The following VPS37A variants were observed in gnomAD, a reference collection of about 807,000 sequenced individuals.
The protein encoded by VPS37A is vacuolar protein sorting-associated protein 37A.
VPS37A carries 30 observed loss-of-function variants against 49.8 expected under a neutral mutation model. The ratio of observed to expected loss-of-function variants is 0.60; its 90% confidence interval spans 0.45 to 0.82. The LOEUF is 0.82. Among genes scored for constraint, VPS37A ranks in the 40% least tolerant of loss-of-function variants. VPS37A has a pLI of 0.00. For missense variants in VPS37A, 593 were observed against 464.4 expected (o/e 1.28, Z -2.55); for synonymous variants, 195 against 160.6 (o/e 1.21, Z -1.62).
In VPS37A at chr8:17,252,750, C is replaced by T. The variant is rs190657359; in HGVS notation, c.125+5381C>T. 1.7e-3 allele frequency among the ~76,000 whole-genome samples: 264 copies of T among 152,170 alleles called. 2 individuals carry two copies. Among genetic ancestry groups the T allele is most frequent in the African/African-American group, 5.6e-3 (231 of 41,520 alleles). On this transcript the variant is annotated intron_variant, in intron 1 of 11. Transcript: ENST00000324849. Reference sequence around the variant, plus strand: ...CTGCCTTCATTCATGTGTGTTACCTCGCTGGTGTAGTTATTTGATAGGAAA... The same window carrying T: ...CTGCCTTCATTCATGTGTGTTACCTTGCTGGTGTAGTTATTTGATAGGAAA...
At chr8:17,266,020 C>G (rs1813414281) in intron 2 of VPS37A, 39 bp downstream of exon 2, 3 of 1,543,568 alleles carry the variant, frequency 1.9e-6, no homozygotes, top group Non-Finnish European at 2.6e-6. Context: ...TGTAAAAGGA[C>G]TTAACAGTTT....
chr8:17,273,305 A>C lies in VPS37A; in HGVS notation c.417-1428A>C, dbSNP rs192189149. Reference sequence around the variant, plus strand: ...CAAATGTGAGCTTATTTGTTGGATAAATTCTAGAAGTGTAATGCACATTTG... The same window carrying C: ...CAAATGTGAGCTTATTTGTTGGATACATTCTAGAAGTGTAATGCACATTTG... On this transcript the variant is annotated intron_variant, in intron 4 of 11. Coordinates refer to ENST00000324849, the MANE Select transcript of VPS37A (RefSeq NM_152415.3). Among the ~76,000 whole-genome samples the C allele has an allele frequency of 4.2e-4, 64 of 152,242 alleles. No individual in the cohort carries two copies. In the East Asian group the frequency reaches 8.3e-3, roughly 20 times the overall value.
intron 1 of VPS37A, chr8:17,248,391 C>T (rs1563229558): frequency 2.2e-6 from 1 of 455,596 alleles, no homozygotes; most frequent in Admixed American, 2.3e-5. Flanking sequence ...CAGCTCCCCA[C>T]ACCCCTCCGA....
intron 1 of VPS37A, among the ~76,000 whole-genome samples, chr8:17,258,492 C>G (rs773731313): frequency 2.6e-5 from 4 of 152,088 alleles, no homozygotes; most frequent in Non-Finnish European, 5.9e-5. Flanking sequence ...GGTAATACCA[C>G]CTGATAATGG....
At chr8:17,289,746 A>T (rs1305878787) in intron 11 of VPS37A, among the ~76,000 whole-genome samples, 4 of 152,220 alleles carry the variant, frequency 2.6e-5, no homozygotes, top group African/African-American at 9.7e-5. Context: ...GAAGAAATTC[A>T]ATGGTAGCTC....
the VPS37A span, among the ~76,000 whole-genome samples, chr8:17,321,310 C>T: frequency 6.6e-6 from 1 of 152,196 alleles, no homozygotes; most frequent in Non-Finnish European, 1.5e-5. Context: ...AATGTCCCCA[C>T]GCTTCTCTGT....
downstream of VPS37A, chr8:17,302,367 C>T (rs1215633518): frequency 2.1e-6 from 3 of 1,419,122 alleles, no homozygotes; most frequent in Admixed American, 4.7e-5. Flanking sequence ...TCTATGATAC[C>T]ACAGTCTTAA....
intron 4 of VPS37A, among the ~76,000 whole-genome samples, chr8:17,270,632 G>C (rs1042478623): frequency 5.9e-5 from 9 of 152,064 alleles, no homozygotes; most frequent in African/African-American, 2.2e-4. Context: ...GAAAGGGGAG[G>C]GAAAGTAGAC....
chr8:17,279,156 T>G (rs749172137), intron 6 of VPS37A, among the ~76,000 whole-genome samples: 5 of 151,930 alleles, frequency 3.3e-5, no homozygotes, highest in Admixed American at 2.6e-4. Context: ...TAAAACGGAG[T>G]TGTTGTGACT....
chr8:17,272,477 G>A (rs546680239), intron 4 of VPS37A, among the ~76,000 whole-genome samples: 6 of 152,070 alleles, frequency 3.9e-5, no homozygotes, highest in East Asian at 1.9e-4. Flanking sequence ...AATACAAACC[G>A]ACAAGTTTAC....
chr8:17,267,327 C>A (rs1813563391), intron 2 of VPS37A, among the ~76,000 whole-genome samples: 1 of 152,118 alleles, frequency 6.6e-6, no homozygotes, highest in Non-Finnish European at 1.5e-5. Context: ...ATCAGGGGAA[C>A]AAAGAGACAA....
At chr8:17,316,880 G>C in the VPS37A span, among the ~76,000 whole-genome samples, 1 of 151,958 alleles carries the variant, frequency 6.6e-6, no homozygotes, top group Non-Finnish European at 1.5e-5. Context: ...TGGGGGTGCT[G>C]GAAACAATTC....
chr8:17,309,759 C>T, the VPS37A span, among the ~76,000 whole-genome samples: 3 of 152,172 alleles, frequency 2.0e-5, no homozygotes, highest in Non-Finnish European at 4.4e-5. Context: ...CCTATCTCAA[C>T]CAATGTGTGA....
chr8:17,328,152 C>T, the VPS37A span, among the ~76,000 whole-genome samples: 1 of 152,154 alleles, frequency 6.6e-6, no homozygotes. Context: ...CAAAAGATGG[C>T]AAGTTGATTG....
At chr8:17,313,533 A>C in the VPS37A span, 1 of 567,134 alleles carries the variant, frequency 1.8e-6, no homozygotes, top group Non-Finnish European at 3.1e-6. Context: ...GCCTTAAGTC[A>C]AAATAAATAC....
At chr8:17,328,313 T>C in the VPS37A span, among the ~76,000 whole-genome samples, 19 of 152,126 alleles carry the variant, frequency 1.2e-4, no homozygotes, top group African/African-American at 4.3e-4. Flanking sequence ...TCTTCACCAC[T>C]TCCTCCCCAA....
chr8:17,294,329 A>G (rs542581118), intron 11 of VPS37A, among the ~76,000 whole-genome samples: 1 of 152,042 alleles, frequency 6.6e-6, no homozygotes, highest in Non-Finnish European at 1.5e-5. Context: ...TCCCAGGTCG[A>G]CCTCAGACTG....
chr8:17,311,018 GC>G, the VPS37A span, among the ~76,000 whole-genome samples: 1 of 152,066 alleles, frequency 6.6e-6, no homozygotes, highest in Non-Finnish European at 1.5e-5. Context: ...ACAACAAAAG[GC>G]TGTGAAATTT....
chr8:17,290,240 A>T (rs1044910994), intron 11 of VPS37A, among the ~76,000 whole-genome samples: 6 of 151,694 alleles, frequency 4.0e-5, no homozygotes, highest in African/African-American at 1.5e-4. Context: ...ACTGTGTTGA[A>T]TAGGAGTTGT....
Sources: gnomAD v4.1 joint callset for allele counts (sites outside exome capture counted in the v4.1 genomes callset) on GRCh38, gnomAD v4.1.1 for gene constraint, MANE v1.5 for transcripts, NCBI Gene and HGNC (gene_info 2026-07-23, HGNC 2026-07-21) for gene names.